Variants in KNTC1 observed in about 807,000 individuals in gnomAD.
KNTC1 encodes kinetochore associated 1, also known as kinetochore-associated protein 1.
Under a neutral mutation model 314.4 loss-of-function variants are expected in KNTC1, and 253 were observed. The ratio of observed to expected loss-of-function variants is 0.80; its 90% CI spans 0.73 to 0.89. The LOEUF is 0.89. Among genes scored for constraint, KNTC1 ranks in the 40% least tolerant of loss-of-function variants. The pLI is 0.00. For missense variants in KNTC1, 2,475 were observed against 2,572.9 expected (o/e 0.96, Z 0.82); for synonymous variants, 901 against 901.4 (o/e 1.00, Z 0.01).
At chr12:122,559,068 G>T (rs1169210246) in intron 18 of KNTC1, among the ~76,000 whole-genome samples, 3 of 152,026 alleles carry the variant, frequency 2.0e-5, no homozygotes, top group Non-Finnish European at 2.9e-5. Context: ...CAGGGTTTGG[G>T]CTGGGCACGT....
Position 122,585,879 on chromosome 12 carries a change from T to G in KNTC1, c.3673+105T>G, listed in dbSNP as rs80192220. On this transcript the variant is annotated intron_variant, in intron 37 of 63. Coordinates refer to ENST00000333479, the MANE Select transcript of KNTC1 (RefSeq NM_014708.6). The stretch of plus-strand genomic sequence containing the variant: ...TACACACAGTAATGTGGGCGAACCT[T>G]ATAAGCGTAATGTGGAGCTAAAGAA... 9,189 of 1,013,932 alleles carry G rather than the reference T, an allele frequency of 9.1e-3. 275 individuals are homozygous for G. The highest frequency in any genetic ancestry group is 0.09 in the African/African-American group (5,630 of 62,616). The allele number at this position is 1,013,932 out of a possible 1,614,324, so 62.8% of individuals were successfully genotyped here.
intron 8 of KNTC1, among the ~76,000 whole-genome samples, chr12:122,545,011 T>C (rs1005402801): frequency 2.0e-5 from 3 of 152,182 alleles, no homozygotes; most frequent in Admixed American, 6.6e-5. Flanking sequence ...AGGATGCACG[T>C]AGAAAAGCAC....
chr12:122,580,480 T>C, intron 32 of KNTC1, 123 bp from the exon 33 acceptor site: 3 of 616,210 alleles, frequency 4.9e-6, no homozygotes, highest in Non-Finnish European at 8.6e-6. Flanking sequence ...ATATTATCAT[T>C]TGAGAAGAAC....
intron 55 of KNTC1, among the ~76,000 whole-genome samples, chr12:122,614,232 C>CAAAA (rs1170471401): frequency 6.6e-6 from 1 of 152,194 alleles, no homozygotes. Context: ...GGTCCTTTTA[C>CAAAA]CTCTTTTGCC....
intron 42 of KNTC1, chr12:122,593,338 A>G (rs1319589441): frequency 6.9e-6 from 1 of 143,924 alleles, no homozygotes; most frequent in Non-Finnish European, 1.5e-5. Context: ...ATCTCGGCTC[A>G]CTGCAACATC....
At chr12:122,578,215 A>G (rs527788466) in intron 31 of KNTC1, among the ~76,000 whole-genome samples, 3 of 152,190 alleles carry the variant, frequency 2.0e-5, no homozygotes, top group African/African-American at 4.8e-5. Context: ...GCAGATGAGG[A>G]ATACTTGGTT....
Position 122,591,376 on chromosome 12 carries a change from C to T in KNTC1, c.4168C>T (p.Gln1390Ter), listed in dbSNP as rs771853294. ...LVGSELASLYQEIEMGLKFRE... is the reference protein window; with the variant it reads ...LVGSELASLY ...GGGCTCTGAGCTGGCAAGTCTCTAT[C>T]AGGAAATAGAAATGGGGCTTAAGTT... The change falls in exon 42 of 64, where the codon CAG becomes TAG. Residue 1390 changes from glutamine (Q) to a stop codon, truncating the protein, a stop_gained. Transcript: ENST00000333479. LOFTEE classifies it high-confidence loss of function. 5 of 1,611,096 alleles carry T rather than the reference C, an allele frequency of 3.1e-6. No individual in the cohort carries two copies. Among genetic ancestry groups the T allele is most frequent in the Non-Finnish European group, 4.2e-6 (5 of 1,177,626 alleles).
Position 122,579,068 on chromosome 12 carries a change from T to C in KNTC1, c.2842-837T>C, listed in dbSNP as rs1965221654. ...TTTTTTTTTTTTTTTTTTTTTTTTTTTTTTTTTTTTTTTTGAGACGGAGTC... is the reference window on the plus strand; with the variant it reads ...TTTTTTTTTTTTTTTTTTTTTTTTTCTTTTTTTTTTTTTTGAGACGGAGTC... On this transcript the variant is annotated intron_variant, in intron 31 of 63. Transcript: ENST00000333479. 5.4e-5 allele frequency among the ~76,000 whole-genome samples: 3 copies of C among 55,450 alleles called. 1 individual carries two copies. Among genetic ancestry groups the C allele is most frequent in the Non-Finnish European group, 9.3e-5 (3 of 32,292 alleles). The allele number at this position is 55,450 out of a possible 152,430, so 36.4% of individuals were successfully genotyped here.
chr12:122,577,107 T>A, intron 30 of KNTC1, 78 bp downstream of exon 30: 1 of 1,158,366 alleles, frequency 8.6e-7, no homozygotes, highest in Non-Finnish European at 1.2e-6. Flanking sequence ...AGACAGGGTC[T>A]CGCTCCATTG....
chr12:122,569,859 T>A, intron 22 of KNTC1, 35 bp downstream of exon 22: 1 of 1,568,616 alleles, frequency 6.4e-7, no homozygotes. Flanking sequence ...TCTTGATGAC[T>A]TTATTTCATT....
rs1226602792 is a variant in KNTC1 at position 122,576,987 on chromosome 12, G to C, written c.2679G>C (p.Glu893Asp). 1 of 1,586,822 alleles carries C rather than the reference G, an allele frequency of 6.3e-7. No individual in the cohort carries two copies. Among genetic ancestry groups the C allele is most frequent in the Non-Finnish European group, 8.6e-7 (1 of 1,165,238 alleles). The part of the protein sequence containing the change: ...VAQAFMLSDD[E>D]IYSLRIIDLI... Reference sequence around the variant, plus strand: ...AAGCGTTTATGTTATCTGATGATGAGATCTACAGTCTAAGAATTATTGACC... The same window carrying C: ...AAGCGTTTATGTTATCTGATGATGACATCTACAGTCTAAGAATTATTGACC... The change falls in exon 30 of 64, where the codon GAG becomes GAC. Residue 893 changes from glutamate (E) to aspartate (D), a missense_variant. Transcript: ENST00000333479.
intron 44 of KNTC1, among the ~76,000 whole-genome samples, chr12:122,599,189 A>T (rs547756926): frequency 6.8e-6 from 1 of 148,090 alleles, no homozygotes; most frequent in South Asian, 2.2e-4. Context: ...TTGGCCTCTA[A>T]CTCCTGGGCT....
At chr12:122,615,222 A>G in intron 56 of KNTC1, 136 bp downstream of exon 56, 1 of 761,902 alleles carries the variant, frequency 1.3e-6, no homozygotes, top group Non-Finnish European at 2.1e-6. Flanking sequence ...GCTCATGCCA[A>G]ACTTAAAGAA....
intron 30 of KNTC1, among the ~76,000 whole-genome samples, chr12:122,577,316 T>A (rs1054429091): frequency 5.3e-5 from 8 of 152,160 alleles, no homozygotes; most frequent in Admixed American, 5.2e-4. Context: ...AGGAATTAAC[T>A]CTTCAGTATC....
chr12:122,590,468 GTTTT>G (rs548281507), intron 40 of KNTC1, 135 bp from the exon 41 acceptor site: 3 of 741,494 alleles, frequency 4.0e-6, no homozygotes, highest in African/African-American at 3.6e-5. Flanking sequence ...ACTGAATTCT[GTTTT>G]TTTTTCTTTA....
At chr12:122,596,777 G>A (rs1871112726) in intron 43 of KNTC1, among the ~76,000 whole-genome samples, 1 of 152,084 alleles carries the variant, frequency 6.6e-6, no homozygotes, top group African/African-American at 2.4e-5. Context: ...AGGAGGTTGA[G>A]ACTGCAGTGA....
chr12:122,530,519 C>T (rs987229385), intron 2 of KNTC1, among the ~76,000 whole-genome samples: 2 of 151,256 alleles, frequency 1.3e-5, no homozygotes, highest in Non-Finnish European at 2.9e-5. Flanking sequence ...GGTGTGATCA[C>T]GGCTCACTGC....
At chr12:122,599,083 T>C (rs995763132) in intron 44 of KNTC1, among the ~76,000 whole-genome samples, 4 of 152,120 alleles carry the variant, frequency 2.6e-5, no homozygotes, top group African/African-American at 7.2e-5. Context: ...TATCATAAAT[T>C]GTTATAATTA....
Position 122,605,045 on chromosome 12 carries a change from A to G in KNTC1, c.5344A>G (p.Ile1782Val). The G allele has an allele frequency of 6.2e-7, 1 of 1,612,998 alleles. No individual in the cohort carries two copies. Among genetic ancestry groups the G allele is most frequent in the Non-Finnish European group, 8.5e-7 (1 of 1,179,544 alleles). ...TGTCAGTCTCTACGAACATCCTAGC[A>G]TCAATCAAAGAATTCAGAATTCATC... is the stretch of plus-strand genomic sequence containing the variant. ...LIVSLYEHPS[I>V]NQRIQNSSGT... The change falls in exon 50 of 64, where the codon ATC becomes GTC. Residue 1782 changes from isoleucine to valine, a missense_variant. By Grantham distance (29) the Ile-to-Val change is conservative. Transcript: ENST00000333479.
Sources: allele counts gnomAD v4.1 joint callset (sites outside exome capture counted in the v4.1 genomes callset), GRCh38; gene constraint gnomAD v4.1.1; transcripts MANE v1.5; gene names NCBI Gene and HGNC (gene_info 2026-07-23, HGNC 2026-07-21).